Variants in PCDHA11 observed in about 807,000 individuals in gnomAD.
PCDHA11 encodes protocadherin alpha 11.
PCDHA11 carries 61 observed loss-of-function variants against 70.3 expected under a neutral mutation model. The observed-to-expected ratio is 0.87, with a 90% CI of 0.71 to 1.07. The LOEUF (loss-of-function observed/expected upper bound fraction) is 1.07. Ranked by LOEUF, PCDHA11 falls within the 50% of genes least tolerant of loss-of-function variation. The pLI is 0.00. For synonymous variants in PCDHA11, 633 were observed against 555.1 expected (o/e 1.14, Z -1.97); for missense variants, 1,324 against 1,237.5 (o/e 1.07, Z -1.05).
intron 1 of PCDHA11, 119 bp from the exon 2 acceptor site, chr5:140,978,830 C>T: frequency 6.5e-7 from 1 of 1,535,340 alleles, no homozygotes; most frequent in Non-Finnish European, 8.8e-7. Context: ...TGAAATGGCT[C>T]ATTCAATACT....
At chr5:140,937,190 A>T (rs1255488487) in intron 1 of PCDHA11, among the ~76,000 whole-genome samples, 1 of 151,824 alleles carries the variant, frequency 6.6e-6, no homozygotes, top group East Asian at 2.0e-4. Context: ...GGCGCCCGCC[A>T]CCATGCCCGG....
intron 1 of PCDHA11, chr5:140,882,453 G>C: frequency 1.2e-6 from 2 of 1,614,042 alleles, no homozygotes; most frequent in South Asian, 2.2e-5. Flanking sequence ...CTGGTGCCGC[G>C]CCTGTTCCGG....
At chr5:140,925,236 T>C (rs1398147161) in intron 1 of PCDHA11, among the ~76,000 whole-genome samples, 1 of 152,202 alleles carries the variant, frequency 6.6e-6, no homozygotes, top group African/African-American at 2.4e-5. Context: ...TACCAGAAAA[T>C]ATGTCCTGGA....
chr5:140,986,042 C>T (rs1344724281), intron 3 of PCDHA11, among the ~76,000 whole-genome samples: 1 of 152,104 alleles, frequency 6.6e-6, no homozygotes, highest in Admixed American at 6.5e-5. Context: ...CCTGGCCTCA[C>T]TGATGAATTC....
chr5:140,876,258 C>G lies in PCDHA11; in HGVS notation c.2391+4764C>G, dbSNP rs782047443. ...ATGTCCAAAACGACACAAGAGTGAT[C>G]CAACTAAATGCTTCCGATCCAGACG... On this transcript the variant is annotated intron_variant, in intron 1 of 3. Coordinates refer to ENST00000398640, the MANE Select transcript of PCDHA11 (RefSeq NM_018902.5). 4 of 1,613,968 alleles carry G rather than the reference C, an allele frequency of 2.5e-6. No homozygotes were observed. The East Asian group carries it at 8.9e-5, about 36-fold the overall frequency.
chr5:140,876,554 A>G (rs2056417075), intron 1 of PCDHA11: 1 of 1,614,052 alleles, frequency 6.2e-7, no homozygotes, highest in South Asian at 1.1e-5. Flanking sequence ...CCTGTGCAAG[A>G]GGATGCTCAG....
chr5:140,955,452 G>A (rs921510611), intron 1 of PCDHA11, among the ~76,000 whole-genome samples: 1 of 152,024 alleles, frequency 6.6e-6, no homozygotes, highest in African/African-American at 2.4e-5. Flanking sequence ...TTTTATAAGG[G>A]CTTTTTCCTT....
chr5:140,955,603 C>T (rs898504105), intron 1 of PCDHA11, among the ~76,000 whole-genome samples: 1 of 152,146 alleles, frequency 6.6e-6, no homozygotes, highest in Non-Finnish European at 1.5e-5. Flanking sequence ...TTATAAATTA[C>T]CCAGTCTCAG....
intron 3 of PCDHA11, among the ~76,000 whole-genome samples, chr5:141,007,422 G>C (rs190866782): frequency 7.0e-6 from 1 of 143,592 alleles, no homozygotes; most frequent in Non-Finnish European, 1.5e-5. Flanking sequence ...AAAAAAATTA[G>C]CCAGGCATGG....
At chr5:140,876,445 A>G in intron 1 of PCDHA11, 1 of 1,614,014 alleles carries the variant, frequency 6.2e-7, no homozygotes, top group Non-Finnish European at 8.5e-7. Context: ...CGCCATTGAT[A>G]AAGGGATTCC....
chr5:140,903,367 T>G (rs1247838310), intron 1 of PCDHA11, among the ~76,000 whole-genome samples: 1 of 152,188 alleles, frequency 6.6e-6, no homozygotes, highest in African/African-American at 2.4e-5. Flanking sequence ...TTCAAAAATA[T>G]AGGGAGGATT....
chr5:140,957,778 A>G (rs1554223119), intron 1 of PCDHA11, among the ~76,000 whole-genome samples: 4 of 152,122 alleles, frequency 2.6e-5, no homozygotes, highest in African/African-American at 9.7e-5. Context: ...AGTAAAAACT[A>G]AGTTCATCAT....
intron 1 of PCDHA11, among the ~76,000 whole-genome samples, chr5:140,946,626 A>G (rs2093985217): frequency 7.5e-6 from 1 of 132,480 alleles, no homozygotes; most frequent in Non-Finnish European, 1.6e-5. Context: ...ATATATATAT[A>G]TATATACAAT....
intron 1 of PCDHA11, chr5:140,967,662 A>G: frequency 6.2e-7 from 1 of 1,614,192 alleles, no homozygotes; most frequent in Non-Finnish European, 8.5e-7. Context: ...TTGAGCAGCT[A>G]CACGTCGGAC....
chr5:140,899,513 C>T (rs4552682), intron 1 of PCDHA11, among the ~76,000 whole-genome samples: 7,065 of 152,042 alleles, frequency 0.046, 286 homozygotes, highest in African/African-American at 0.11. Flanking sequence ...GCATATATTG[C>T]ATCCCAGGGA....
intron 3 of PCDHA11, among the ~76,000 whole-genome samples, chr5:140,996,580 C>T (rs1351485354): frequency 6.6e-6 from 1 of 152,130 alleles, no homozygotes; most frequent in African/African-American, 2.4e-5. Context: ...AATTTGTTAA[C>T]AAGGGCCGCC....
In PCDHA11 at chr5:140,995,948, C is replaced by T. The variant is rs143431693; in HGVS notation, c.2539+13385C>T. Among the ~76,000 whole-genome samples the T allele has an allele frequency of 4.7e-3, 711 of 152,264 alleles. 7 individuals carry two copies. The highest frequency in any genetic ancestry group is 0.016 in the African/African-American group (645 of 41,554). ...TGTAAGTATTAAATGACATAATGCA[C>T]GCAAAATGCTTAGAACCATGCTTAG... On this transcript the variant is annotated intron_variant, in intron 3 of 3. Transcript: ENST00000398640.
rs374343977 is a variant in PCDHA11 at position 140,870,439 on chromosome 5, G to A, written c.1336G>A (p.Asp446Asn). 3.1e-6 allele frequency: 5 copies of A among 1,614,126 alleles called. No individual in the cohort carries two copies. Among genetic ancestry groups the A allele is most frequent in the African/African-American group, 2.7e-5 (2 of 74,950 alleles). Residue 446 changes from aspartate to asparagine, a missense_variant, in exon 1 of 4, where the codon GAC (aspartate) becomes AAC (asparagine). Asp to Asn is a conservative substitution (Grantham distance 23). Coordinates refer to ENST00000398640, the MANE Select transcript of PCDHA11 (RefSeq NM_018902.5). The stretch of plus-strand genomic sequence containing the variant: ...GGCCAGGGTATCCGTGGAGGTGGCC[G>A]ACGTGAACGACAATGCGCCTGCGTT... ...ATARVSVEVA[D>N]VNDNAPAFAQ...
At chr5:140,993,460 T>TCACA (rs1554253699) in intron 3 of PCDHA11, among the ~76,000 whole-genome samples, 76 of 104,564 alleles carry the variant, frequency 7.3e-4, no homozygotes, top group Admixed American at 2.0e-3. Context: ...CTTCTTTCTT[T>TCACA]CTCACACACA....
Sources: gnomAD v4.1 joint callset for allele counts (sites outside exome capture counted in the v4.1 genomes callset) on GRCh38, gnomAD v4.1.1 for gene constraint, MANE v1.5 for transcripts, NCBI Gene and HGNC (gene_info 2026-07-23, HGNC 2026-07-21) for gene names.